FGD4: variants seen among roughly 807,000 people sequenced by gnomAD.
FGD4 encodes the protein FYVE, RhoGEF and PH domain-containing protein 4.
In FGD4, 42 loss-of-function variants were observed where a neutral mutation model predicts 102.0. The observed-to-expected ratio is 0.41, with a 90% confidence interval of 0.32 to 0.53. The LOEUF is 0.53. FGD4 is among the 20% of genes least tolerant of loss of function. FGD4 has a pLI of 0.21. For synonymous variants in FGD4, 380 were observed against 375.7 expected (o/e 1.01, Z -0.13); for missense variants, 902 against 1,078.2 (o/e 0.84, Z 2.29).
At chr12:32,471,344 A>G (rs534589807) in intron 1 of FGD4, among the ~76,000 whole-genome samples, 5 of 152,242 alleles carry the variant, frequency 3.3e-5, no homozygotes, top group Admixed American at 1.3e-4. Context: ...ATCCATCCGT[A>G]TCTCTCTCTA....
At chr12:32,614,389 A>C (rs898917133) in intron 10 of FGD4, among the ~76,000 whole-genome samples, 3 of 152,218 alleles carry the variant, frequency 2.0e-5, no homozygotes, top group Admixed American at 2.0e-4. Flanking sequence ...TGGTCCAGTC[A>C]AAGCAAAAGA....
intron 1 of FGD4, among the ~76,000 whole-genome samples, chr12:32,563,019 C>A (rs576963169): frequency 6.6e-6 from 1 of 150,896 alleles, no homozygotes; most frequent in Non-Finnish European, 1.5e-5. Flanking sequence ...ACCTCCCGGA[C>A]GGGGCGGCTG....
At position 32,577,886 on chromosome 12, in the gene FGD4, C is replaced by G. The variant is rs902507830; in HGVS notation, c.503+1437C>G. Among the ~76,000 whole-genome samples the G allele has an allele frequency of 7.2e-5, 11 of 152,262 alleles. No homozygotes were observed. In the East Asian group the frequency reaches 1.9e-3, roughly 27 times the overall value. ...CCCTGATCCCTGTCATAAGGCATGT[C>G]AGAGCCTGCATCCCTAGATTTCAGG... On this transcript the variant is annotated intron_variant, in intron 3 of 16. Transcript: ENST00000534526.
intron 1 of FGD4, among the ~76,000 whole-genome samples, chr12:32,505,206 T>G (rs561159978): frequency 4.0e-4 from 61 of 152,298 alleles, no homozygotes; most frequent in African/African-American, 1.4e-3. Context: ...GAGAAATAGA[T>G]GTACTGAAAA....
intron 1 of FGD4, among the ~76,000 whole-genome samples, chr12:32,552,148 A>G (rs183920872): frequency 7.2e-5 from 11 of 152,348 alleles, no homozygotes; most frequent in South Asian, 4.1e-4. Flanking sequence ...AAAGAGACAC[A>G]TGTACTTGAT....
intron 14 of FGD4, among the ~76,000 whole-genome samples, chr12:32,632,713 A>ATTTTTT (rs372972257): frequency 8.1e-6 from 1 of 123,804 alleles, no homozygotes; most frequent in African/African-American, 3.1e-5. Flanking sequence ...TTATTTATTT[A>ATTTTTT]TTTTTTTTTT....
chr12:32,583,698 A>G (rs1025366128), intron 4 of FGD4, among the ~76,000 whole-genome samples: 1 of 152,250 alleles, frequency 6.6e-6, no homozygotes, highest in Non-Finnish European at 1.5e-5. Context: ...GGTGAAACAT[A>G]TACTGACTCT....
intron 1 of FGD4, among the ~76,000 whole-genome samples, chr12:32,515,569 C>A (rs1565792009): frequency 6.6e-6 from 1 of 152,194 alleles, no homozygotes. Flanking sequence ...TAAATGAAAC[C>A]AAAATCTTAT....
chr12:32,541,805 A>T (rs1183588110), intron 1 of FGD4, among the ~76,000 whole-genome samples: 4 of 152,202 alleles, frequency 2.6e-5, no homozygotes, highest in Admixed American at 2.0e-4. Flanking sequence ...AAGAATTTTG[A>T]TCTATATCTA....
chr12:32,499,086 C>T (rs1448557551), intron 1 of FGD4, among the ~76,000 whole-genome samples: 1 of 152,224 alleles, frequency 6.6e-6, no homozygotes, highest in East Asian at 1.9e-4. Flanking sequence ...TGGAATTAGG[C>T]ATATTCAGCT....
intron 4 of FGD4, among the ~76,000 whole-genome samples, chr12:32,587,927 AT>A (rs1947178302): frequency 6.6e-6 from 1 of 152,214 alleles, no homozygotes; most frequent in Non-Finnish European, 1.5e-5. Flanking sequence ...TGTTAAGAGG[AT>A]GGTGCATGAG....
chr12:32,574,318 C>T (rs1277523380), intron 2 of FGD4, among the ~76,000 whole-genome samples: 3 of 146,734 alleles, frequency 2.0e-5, no homozygotes, highest in East Asian at 4.0e-4. Context: ...TTGAATTATT[C>T]ATAACCTTAA....
chr12:32,555,416 G>A (rs1435480621), intron 1 of FGD4, among the ~76,000 whole-genome samples: 1 of 152,112 alleles, frequency 6.6e-6, no homozygotes, highest in Non-Finnish European at 1.5e-5. Context: ...GCAACTGCAT[G>A]TGTAAATCTG....
intron 1 of FGD4, among the ~76,000 whole-genome samples, chr12:32,424,922 G>T (rs1012652519): frequency 3.3e-5 from 5 of 151,958 alleles, no homozygotes; most frequent in African/African-American, 1.2e-4. Context: ...GGGGTTGTTT[G>T]TTTTTTTCTT....
intron 1 of FGD4, among the ~76,000 whole-genome samples, chr12:32,417,568 A>C (rs1941468360): frequency 6.6e-6 from 1 of 151,388 alleles, no homozygotes; most frequent in Non-Finnish European, 1.5e-5. Context: ...AGTGATTCTC[A>C]TGCCTCAGCC....
At chr12:32,432,280 T>A (rs1249356439) in intron 1 of FGD4, among the ~76,000 whole-genome samples, 1 of 151,584 alleles carries the variant, frequency 6.6e-6, no homozygotes, top group Admixed American at 6.6e-5. Context: ...CAGGATGGTC[T>A]TGATCTCCTG....
Position 32,611,241 on chromosome 12 carries a change from A to G in FGD4, c.1707A>G (p.Leu569=), listed in dbSNP as rs775568042. 6.2e-7 allele frequency: 1 copy of G among 1,614,236 alleles called. No homozygotes were observed. Among genetic ancestry groups the G allele is most frequent in the East Asian group, 2.2e-5 (1 of 44,880 alleles). Residue 569 remains leucine, a synonymous_variant, in exon 10 of 17, where the codon CTA becomes CTG. Coordinates refer to ENST00000534526, the MANE Select transcript of FGD4 (RefSeq NM_001370298.3). The stretch of plus-strand genomic sequence containing the variant: ...TAAAAGAAGGACAGATCCTCAAACT[A>G]GCTGCTCGGAACACTTCAGCACAAG... ...ELIKEGQILK[L]AARNTSAQER...
At chr12:32,624,224 A>G (rs181700000) in intron 11 of FGD4, among the ~76,000 whole-genome samples, 198 bp from the exon 12 acceptor site, 1 of 152,314 alleles carries the variant, frequency 6.6e-6, no homozygotes, top group East Asian at 1.9e-4. Flanking sequence ...TATGTGTACC[A>G]AAGTCAGTGG....
intron 16 of FGD4, chr12:32,639,057 A>G (rs1320622066): frequency 9.1e-6 from 8 of 877,658 alleles, no homozygotes; most frequent in Non-Finnish European, 1.3e-5. Context: ...TTGAATTAGG[A>G]ATGAGCATGA....
Sources: allele counts gnomAD v4.1 joint callset (sites outside exome capture counted in the v4.1 genomes callset), GRCh38; gene constraint gnomAD v4.1.1; transcripts MANE v1.5; gene names NCBI Gene and HGNC (gene_info 2026-07-23, HGNC 2026-07-21).